Variants in KCND2 observed in about 807,000 individuals in gnomAD.
The protein encoded by KCND2 is A-type voltage-gated potassium channel KCND2.
KCND2 carries 16 observed loss-of-function variants against 54.4 expected under a neutral mutation model. The ratio of observed to expected loss-of-function variants is 0.29; its 90% CI spans 0.20 to 0.45. The LOEUF is 0.45. Among genes scored for constraint, KCND2 ranks in the 20% least tolerant of loss-of-function variants. The pLI is 1.00. For missense variants in KCND2, 486 were observed against 824.2 expected, an observed-to-expected ratio of 0.59 and a Z score of 5.02; for synonymous variants, 317 against 310.7, an observed-to-expected ratio of 1.02 and a Z score of -0.21.
chr7:120,276,653 A>G (rs927822207), intron 1 of KCND2, among the ~76,000 whole-genome samples: 1 of 152,120 alleles, frequency 6.6e-6, no homozygotes, highest in Non-Finnish European at 1.5e-5. Flanking sequence ...TTCTGCAACC[A>G]AAGGGACAAA....
intron 1 of KCND2, among the ~76,000 whole-genome samples, chr7:120,503,216 G>A (rs1211762219): frequency 6.6e-6 from 1 of 151,986 alleles, no homozygotes; most frequent in South Asian, 2.1e-4. Flanking sequence ...TCATATGTTG[G>A]AAGCATATTG....
At chr7:120,561,393 A>C (rs1158943818) in intron 1 of KCND2, among the ~76,000 whole-genome samples, 1 of 152,132 alleles carries the variant, frequency 6.6e-6, no homozygotes, top group Admixed American at 6.5e-5. Context: ...AATAATTTAC[A>C]TATACTATAT....
chr7:120,395,090 A>G (rs1040778849), intron 1 of KCND2, among the ~76,000 whole-genome samples: 11 of 151,944 alleles, frequency 7.2e-5, no homozygotes, highest in Non-Finnish European at 1.5e-4. Context: ...AGCCATGAAG[A>G]AGTTTATTCT....
At chr7:120,746,178 G>C in intron 5 of KCND2, 151 bp downstream of exon 5, 1 of 846,746 alleles carries the variant, frequency 1.2e-6, no homozygotes. Flanking sequence ...GTAGGAAAAT[G>C]GTTCTGCTTG....
At chr7:120,562,990 C>T (rs986386103) in intron 1 of KCND2, among the ~76,000 whole-genome samples, 1 of 152,050 alleles carries the variant, frequency 6.6e-6, no homozygotes, top group Admixed American at 6.6e-5. Flanking sequence ...AAAAGAAATG[C>T]TTCAATCTAT....
intron 1 of KCND2, among the ~76,000 whole-genome samples, chr7:120,508,521 G>A (rs974303355): frequency 2.0e-5 from 3 of 151,946 alleles, no homozygotes; most frequent in South Asian, 2.1e-4. Context: ...CTACTTATTC[G>A]CATTATGATG....
intron 1 of KCND2, among the ~76,000 whole-genome samples, chr7:120,652,752 C>T (rs1330472411): frequency 1.3e-5 from 2 of 152,110 alleles, no homozygotes; most frequent in African/African-American, 4.8e-5. Flanking sequence ...CACTTCAAAA[C>T]TTGTTCATCC....
intron 1 of KCND2, among the ~76,000 whole-genome samples, chr7:120,662,558 G>A (rs1284075720): frequency 6.6e-6 from 1 of 152,196 alleles, no homozygotes; most frequent in Non-Finnish European, 1.5e-5. Flanking sequence ...CATAAAATGT[G>A]TGTGCTATTT....
intron 1 of KCND2, among the ~76,000 whole-genome samples, chr7:120,731,078 C>T (rs911305608): frequency 3.3e-5 from 5 of 152,126 alleles, no homozygotes; most frequent in Non-Finnish European, 7.4e-5. Flanking sequence ...AAGAACTCCT[C>T]CTTGTCCCCC....
intron 1 of KCND2, among the ~76,000 whole-genome samples, chr7:120,568,759 C>T (rs940880388): frequency 6.6e-6 from 1 of 152,024 alleles, no homozygotes; most frequent in African/African-American, 2.4e-5. Flanking sequence ...GAAGGTGGTA[C>T]TTCATAGGGT....
At chr7:120,480,526 T>C (rs1362442211) in intron 1 of KCND2, among the ~76,000 whole-genome samples, 1 of 152,242 alleles carries the variant, frequency 6.6e-6, no homozygotes. Flanking sequence ...TGCTAAATTA[T>C]TCTTTTACCA....
chr7:120,625,497 A>C (rs767354502), intron 1 of KCND2, among the ~76,000 whole-genome samples: 1 of 152,204 alleles, frequency 6.6e-6, no homozygotes, highest in African/African-American at 2.4e-5. Context: ...AATCATTTCA[A>C]TTGATTTCTT....
chr7:120,636,642 A>G (rs2116523271), intron 1 of KCND2, among the ~76,000 whole-genome samples: 1 of 152,222 alleles, frequency 6.6e-6, no homozygotes, highest in South Asian at 2.1e-4. Flanking sequence ...TTGGGTTCCC[A>G]CATATTTGCT....
chr7:120,648,365 G>A (rs924738465), intron 1 of KCND2, among the ~76,000 whole-genome samples: 1 of 152,116 alleles, frequency 6.6e-6, no homozygotes, highest in Non-Finnish European at 1.5e-5. Flanking sequence ...TGGAAATGGA[G>A]GGAAAATTAT....
intron 1 of KCND2, among the ~76,000 whole-genome samples, chr7:120,419,716 G>A (rs979742788): frequency 6.6e-6 from 1 of 152,038 alleles, no homozygotes. Context: ...AATCTGGCAG[G>A]CTAGTAACCC....
intron 1 of KCND2, among the ~76,000 whole-genome samples, chr7:120,284,416 CCATATTG>C (rs1012455522): frequency 6.6e-6 from 1 of 152,090 alleles, no homozygotes; most frequent in Non-Finnish European, 1.5e-5. Flanking sequence ...AAATTCTTCT[CCATATTG>C]TTTTAGATAG....
intron 1 of KCND2, among the ~76,000 whole-genome samples, chr7:120,289,061 CACACACACACACACACAGAG>C (rs1211730028): frequency 2.7e-5 from 1 of 37,324 alleles, no homozygotes; most frequent in Non-Finnish European, 1.4e-4. Flanking sequence ...CACACACACA[CACACACACACACACACAGAG>C]AGAGAGAGAG....
At chr7:120,375,281 A>G (rs1341506085) in intron 1 of KCND2, among the ~76,000 whole-genome samples, 1 of 151,838 alleles carries the variant, frequency 6.6e-6, no homozygotes, top group Non-Finnish European at 1.5e-5. Flanking sequence ...CCCCCACAAA[A>G]TACTATTAAA....
intron 1 of KCND2, among the ~76,000 whole-genome samples, chr7:120,683,445 A>T (rs1792164247): frequency 6.6e-6 from 1 of 152,174 alleles, no homozygotes; most frequent in African/African-American, 2.4e-5. Context: ...CCACAATAGA[A>T]GCACTAATTT....
Sources: allele counts gnomAD v4.1 joint callset (sites outside exome capture counted in the v4.1 genomes callset), GRCh38; gene constraint gnomAD v4.1.1; transcripts MANE v1.5; gene names NCBI Gene and HGNC (gene_info 2026-07-23, HGNC 2026-07-21).